TUT4: variants seen among roughly 807,000 people sequenced by gnomAD.
TUT4 encodes the protein terminal uridylyl transferase 4.
A neutral mutation model predicts 192.2 loss-of-function variants in TUT4; 36 were observed. The ratio of observed to expected loss-of-function variants is 0.19; its 90% CI spans 0.14 to 0.25. The LOEUF (loss-of-function observed/expected upper bound fraction) is 0.25. Among genes scored for constraint, TUT4 ranks in the 10% least tolerant of loss-of-function variants. The pLI is 1.00. For missense variants in TUT4, 1,493 were observed against 1,957.2 expected, an observed-to-expected ratio of 0.76 and a Z score of 4.47; for synonymous variants, 618 against 666.0, an observed-to-expected ratio of 0.93 and a Z score of 1.11.
At chr1:52,483,386 ATAT>A (rs1339580316) in intron 9 of TUT4, among the ~76,000 whole-genome samples, 2 of 151,816 alleles carry the variant, frequency 1.3e-5, no homozygotes, top group African/African-American at 4.8e-5. Context: ...TTTTCTTTTG[ATAT>A]TATTTATATC....
chr1:52,490,245 G>A (rs1310158148), intron 8 of TUT4, among the ~76,000 whole-genome samples: 2 of 145,920 alleles, frequency 1.4e-5, no homozygotes, highest in Non-Finnish European at 3.0e-5. Context: ...CAACCTCCCA[G>A]GCTCAGGCCA....
At chr1:52,502,168 C>T (rs946977561) in intron 4 of TUT4, among the ~76,000 whole-genome samples, 4 of 150,936 alleles carry the variant, frequency 2.7e-5, no homozygotes, top group Non-Finnish European at 4.4e-5. Flanking sequence ...ACCTTCAATG[C>T]GCCGGTAAGA....
intron 3 of TUT4, among the ~76,000 whole-genome samples, chr1:52,511,835 C>T (rs58792030): frequency 0.06 from 9,155 of 152,164 alleles, 299 homozygotes; most frequent in South Asian, 0.086. Context: ...ATTACAAGAT[C>T]TAATTTATAT....
At chr1:52,444,353 A>G (rs1656714683) in intron 24 of TUT4, among the ~76,000 whole-genome samples, 1 of 152,150 alleles carries the variant, frequency 6.6e-6, no homozygotes, top group African/African-American at 2.4e-5. Flanking sequence ...TTATTACCCC[A>G]TAAGAGGCTA....
chr1:52,545,922 G>C (rs2149731137), intron 1 of TUT4, among the ~76,000 whole-genome samples: 1 of 141,316 alleles, frequency 7.1e-6, no homozygotes, highest in African/African-American at 2.7e-5. Flanking sequence ...AGGAGTTTGA[G>C]ACCAGCCTGG....
chr1:52,542,764 T>TG (rs1558021382), intron 1 of TUT4, among the ~76,000 whole-genome samples: 11 of 146,592 alleles, frequency 7.5e-5, no homozygotes, highest in Non-Finnish European at 1.4e-4. Flanking sequence ...TTTATTTATT[T>TG]ATTTATTTTT....
At chr1:52,436,727 GAA>G in intron 26 of TUT4, 26 bp downstream of exon 26, 1 of 1,611,234 alleles carries the variant, frequency 6.2e-7, no homozygotes, top group Non-Finnish European at 8.5e-7. Context: ...GTTTCTACCA[GAA>G]ACTATGTTTG....
At chr1:52,472,332 C>T (rs1665983812) in intron 13 of TUT4, among the ~76,000 whole-genome samples, 2 of 151,708 alleles carry the variant, frequency 1.3e-5, no homozygotes, top group Admixed American at 6.6e-5. Flanking sequence ...ATTAAATTAA[C>T]CTGAAAATGG....
intron 15 of TUT4, among the ~76,000 whole-genome samples, chr1:52,466,268 G>C (rs2148767486): frequency 6.6e-6 from 1 of 152,182 alleles, no homozygotes; most frequent in Non-Finnish European, 1.5e-5. Flanking sequence ...CAGCGCTTCA[G>C]GAAGCCAACC....
At chr1:52,461,345 T>C (rs991288089) in intron 18 of TUT4, 122 bp from the exon 19 acceptor site, 13 of 1,125,676 alleles carry the variant, frequency 1.2e-5, no homozygotes, top group Non-Finnish European at 1.5e-5. Context: ...AAAACACCTA[T>C]TAATGAGTCA....
chr1:52,496,075 T>C (rs1305119662), intron 5 of TUT4, among the ~76,000 whole-genome samples: 2 of 152,114 alleles, frequency 1.3e-5, no homozygotes, highest in African/African-American at 4.8e-5. Context: ...AACATGTTAT[T>C]CCAAAAATCA....
rs777521894 is a variant in TUT4 at position 52,475,259 on chromosome 1, T to C, written c.2300A>G (p.Asp767Gly). ...TCTCTGTGATGTACAGTCCATTTCA[T>C]CACATTGAACAGGTTGCTCTCTTTC... ...NAEREQPVQC[D>G]EMDCTSQRCI... The change falls in exon 13 of 30, where the codon GAT becomes GGT. Residue 767 changes from aspartate to glycine, a missense_variant. Around this residue, in one of 7 missense-constraint regions of TUT4, gnomAD observed 245 missense variants for 218.4 expected, o/e 1.12. Coordinates refer to ENST00000257177, the MANE Select transcript of TUT4 (RefSeq NM_001009881.3). 1.2e-6 allele frequency: 2 copies of C among 1,614,164 alleles called. No homozygotes were observed. Among genetic ancestry groups the C allele is most frequent in the African/African-American group, 1.3e-5 (1 of 75,060 alleles).
At chr1:52,432,221 G>C (rs1427673622) in intron 27 of TUT4, 1 of 152,214 alleles carries the variant, frequency 6.6e-6, no homozygotes, top group African/African-American at 2.4e-5. Context: ...TTGGGAGAAG[G>C]AGAGAAGAGA....
chr1:52,507,204 G>A (rs1038245116), intron 4 of TUT4, among the ~76,000 whole-genome samples: 4 of 152,212 alleles, frequency 2.6e-5, no homozygotes, highest in Non-Finnish European at 5.9e-5. Context: ...TCAGCATTGT[G>A]CTGAATACTT....
chr1:52,506,419 A>G (rs1457694530), intron 4 of TUT4, among the ~76,000 whole-genome samples: 1 of 152,154 alleles, frequency 6.6e-6, no homozygotes, highest in Non-Finnish European at 1.5e-5. Flanking sequence ...TCTCCTCTTC[A>G]GTGTTCTGGA....
Position 52,526,781 on chromosome 1 carries a change from T to C in TUT4, c.-93-408A>G, listed in dbSNP as rs1452533454. On this transcript the variant is annotated intron_variant, in intron 1 of 29. Coordinates refer to ENST00000257177, the MANE Select transcript of TUT4 (RefSeq NM_001009881.3). ...GGCTCATGCCTGTAATCCCAGCACTTTGGGAGGTCAAGGTGGGTGGATCAC... is the reference window on the plus strand; with the variant it reads ...GGCTCATGCCTGTAATCCCAGCACTCTGGGAGGTCAAGGTGGGTGGATCAC... Among the ~76,000 whole-genome samples the C allele has an allele frequency of 2.6e-5, 4 of 152,138 alleles. No individual in the cohort carries two copies. The East Asian group carries it at 7.7e-4, about 29-fold the overall frequency.
At chr1:52,484,403 T>G (rs994930730) in intron 9 of TUT4, among the ~76,000 whole-genome samples, 8 of 152,138 alleles carry the variant, frequency 5.3e-5, no homozygotes, top group African/African-American at 1.9e-4. Context: ...ACAGTTTGTA[T>G]AAGGGACTTG....
intron 11 of TUT4, among the ~76,000 whole-genome samples, chr1:52,480,895 T>A (rs1173966200): frequency 6.6e-6 from 1 of 152,184 alleles, no homozygotes; most frequent in South Asian, 2.1e-4. Context: ...GCTAGAGCAA[T>A]GATTTCAGAA....
chr1:52,517,648 G>A (rs1189271659), intron 2 of TUT4, among the ~76,000 whole-genome samples: 1 of 152,108 alleles, frequency 6.6e-6, no homozygotes, highest in African/African-American at 2.4e-5. Context: ...TGAGAAGTAT[G>A]GCTAGGTTAC....
Sources: allele counts gnomAD v4.1 joint callset (sites outside exome capture counted in the v4.1 genomes callset), GRCh38; gene constraint gnomAD v4.1.1; regional missense constraint gnomAD v4.1.1; transcripts MANE v1.5; gene names NCBI Gene and HGNC (gene_info 2026-07-23, HGNC 2026-07-21).